The following GMPR variants were observed in gnomAD, a reference collection of about 807,000 sequenced individuals.
The protein encoded by GMPR is GMP reductase 1.
Under a neutral mutation model 38.4 loss-of-function variants are expected in GMPR, and 31 were observed. The ratio of observed to expected loss-of-function variants is 0.81; its 90% CI spans 0.61 to 1.09. The LOEUF is 1.09. Among genes scored for constraint, GMPR ranks in the 50% least tolerant of loss-of-function variants. The pLI is 0.00. For missense variants in GMPR, 468 were observed against 453.7 expected, an observed-to-expected ratio of 1.03 and a Z score of -0.29; for synonymous variants, 162 against 173.3, an observed-to-expected ratio of 0.93 and a Z score of 0.51.
intron 7 of GMPR, 107 bp downstream of exon 7, chr6:16,285,942 C>T (rs905651648): frequency 1.1e-6 from 1 of 926,264 alleles, no homozygotes; most frequent in African/African-American, 1.6e-5. Context: ...TGGGGAAGTT[C>T]TGGGTCTCCT....
chr6:16,240,963 C>G (rs1218923129), intron 1 of GMPR, among the ~76,000 whole-genome samples: 1 of 152,094 alleles, frequency 6.6e-6, no homozygotes, highest in African/African-American at 2.4e-5. Flanking sequence ...CCCCCATGAT[C>G]TGACTTTACT....
At chr6:16,264,503 G>A (rs1160232649) in intron 4 of GMPR, 3 of 159,496 alleles carry the variant, frequency 1.9e-5, no homozygotes, top group Admixed American at 6.5e-5. Context: ...CGTGTGAAGA[G>A]ACCACCAAAC....
intron 5 of GMPR, among the ~76,000 whole-genome samples, chr6:16,276,202 C>T (rs796104873): frequency 5.3e-5 from 8 of 152,176 alleles, no homozygotes; most frequent in African/African-American, 1.9e-4. Flanking sequence ...GACAGTCTTG[C>T]TCTGTTGCCC....
At chr6:16,244,595 T>G (rs549489908) in intron 1 of GMPR, among the ~76,000 whole-genome samples, 165 of 152,178 alleles carry the variant, frequency 1.1e-3, no homozygotes, top group Admixed American at 5.4e-3. Flanking sequence ...AGATGTGTGT[T>G]TGTGGGTGGG....
At chr6:16,282,444 A>G in intron 6 of GMPR, among the ~76,000 whole-genome samples, 1 of 152,266 alleles carries the variant, frequency 6.6e-6, no homozygotes, top group East Asian at 1.9e-4. Flanking sequence ...AAATAAACAT[A>G]AAAAGGAAAA....
At chr6:16,260,292 T>C (rs1759058011) in intron 4 of GMPR, among the ~76,000 whole-genome samples, 2 of 151,922 alleles carry the variant, frequency 1.3e-5, no homozygotes, top group Non-Finnish European at 2.9e-5. Context: ...AAAAACTGCT[T>C]GGCTGATTTG....
At chr6:16,253,172 T>C (rs1448281755) in intron 3 of GMPR, among the ~76,000 whole-genome samples, 1 of 152,224 alleles carries the variant, frequency 6.6e-6, no homozygotes, top group Non-Finnish European at 1.5e-5. Context: ...GATTTAAACA[T>C]GTACAAGTGT....
chr6:16,282,354 T>C lies in GMPR; in HGVS notation c.655-3439T>C, dbSNP rs76039006. 5.6e-4 allele frequency among the ~76,000 whole-genome samples: 85 copies of C among 152,380 alleles called. No individual in the cohort carries two copies. In the East Asian group the frequency reaches 0.014, roughly 26 times the overall value. On this transcript the variant is annotated intron_variant, in intron 6 of 8. Coordinates refer to ENST00000259727, the MANE Select transcript of GMPR (RefSeq NM_006877.4). ...ATTTAGAAATACCTAAACAAATTCA[T>C]TCAAATAATTAATCTTTTTTTTTGA... is the stretch of plus-strand genomic sequence containing the variant.
intron 2 of GMPR, among the ~76,000 whole-genome samples, chr6:16,249,702 G>A (rs926045448): frequency 1.3e-5 from 2 of 152,216 alleles, no homozygotes; most frequent in Admixed American, 6.5e-5. Context: ...TAAATGAAAC[G>A]ACTGACACAA....
intron 2 of GMPR, 21 bp from the exon 3 acceptor site, chr6:16,250,263 T>G (rs756090808): frequency 7.1e-7 from 1 of 1,408,456 alleles, no homozygotes; most frequent in South Asian, 1.2e-5. Flanking sequence ...CCCATCCTAA[T>G]GGTGCTGTTT....
chr6:16,254,753 T>G lies in GMPR; in HGVS notation c.465+18T>G, dbSNP rs891097049. The stretch of plus-strand genomic sequence containing the variant: ...CCATTATGGTAAGTACGGTAGAACA[T>G]TACGGTAGAACATTCTCAAGATGGG... On this transcript the variant is annotated intron_variant, in intron 4 of 8. Coordinates refer to ENST00000259727, the MANE Select transcript of GMPR (RefSeq NM_006877.4). The G allele has an allele frequency of 1.1e-5, 18 of 1,584,970 alleles. 1 individual carries two copies. The highest frequency in any genetic ancestry group is 1.5e-5 in the Non-Finnish European group (17 of 1,154,030).
intron 7 of GMPR, among the ~76,000 whole-genome samples, chr6:16,288,709 G>A (rs1374398508): frequency 6.6e-6 from 1 of 152,236 alleles, no homozygotes; most frequent in East Asian, 1.9e-4. Flanking sequence ...GATGAAGCCA[G>A]CTGGGCTCCT....
At chr6:16,269,034 A>G (rs954122089) in intron 4 of GMPR, among the ~76,000 whole-genome samples, 2 of 152,000 alleles carry the variant, frequency 1.3e-5, no homozygotes, top group Non-Finnish European at 2.9e-5. Context: ...TCTGTTTTCT[A>G]TGTGTAAAAT....
intron 5 of GMPR, 103 bp from the exon 6 acceptor site, chr6:16,278,681 C>A: frequency 1.2e-6 from 1 of 801,640 alleles, no homozygotes. Context: ...GAGGTTCACC[C>A]TGGTCCCTAA....
intron 6 of GMPR, among the ~76,000 whole-genome samples, chr6:16,282,298 G>A (rs906274672): frequency 2.6e-5 from 4 of 152,096 alleles, no homozygotes; most frequent in Non-Finnish European, 5.9e-5. Flanking sequence ...GATTAAGGTG[G>A]GACCAGTTAA....
chr6:16,251,606 C>T lies in GMPR; in HGVS notation c.291+1239C>T, dbSNP rs183263182. On this transcript the variant is annotated intron_variant, in intron 3 of 8. Coordinates refer to ENST00000259727, the MANE Select transcript of GMPR (RefSeq NM_006877.4). ...AGGCCACACGCAAAGGCCAGAGCAT[C>T]TATGATCCTATTTCTAGGAAATGTC... 5.6e-3 allele frequency among the ~76,000 whole-genome samples: 845 copies of T among 152,246 alleles called. 8 individuals are homozygous for T. Among genetic ancestry groups the T allele is most frequent in the African/African-American group, 0.019 (795 of 41,546 alleles).
intron 5 of GMPR, among the ~76,000 whole-genome samples, chr6:16,277,221 G>A (rs1759488721): frequency 6.6e-6 from 1 of 152,206 alleles, no homozygotes; most frequent in African/African-American, 2.4e-5. Flanking sequence ...GGACTTCTGT[G>A]GACTCTGCCC....
At chr6:16,239,111 G>T (rs1261675972) in intron 1 of GMPR, among the ~76,000 whole-genome samples, 1 of 152,188 alleles carries the variant, frequency 6.6e-6, no homozygotes, top group Non-Finnish European at 1.5e-5. Flanking sequence ...AGCAAGAAAA[G>T]GAAACTGGAG....
chr6:16,278,479 C>T (rs1759518043), intron 5 of GMPR, among the ~76,000 whole-genome samples: 1 of 152,126 alleles, frequency 6.6e-6, no homozygotes, highest in Non-Finnish European at 1.5e-5. Flanking sequence ...CAGTGCCTGG[C>T]TATTGCATGG....
Sources: allele counts gnomAD v4.1 joint callset (sites outside exome capture counted in the v4.1 genomes callset), GRCh38; gene constraint gnomAD v4.1.1; transcripts MANE v1.5; gene names NCBI Gene and HGNC (gene_info 2026-07-23, HGNC 2026-07-21).